CSGALNACT1: variants seen among roughly 807,000 people sequenced by gnomAD.
The protein encoded by CSGALNACT1 is chondroitin sulfate N-acetylgalactosaminyltransferase 1, also known as beta4GalNAcT-1.
CSGALNACT1 carries 52 observed loss-of-function variants against 51.0 expected under a neutral mutation model. The observed-to-expected ratio is 1.02, with a 90% CI of 0.82 to 1.29. The LOEUF (loss-of-function observed/expected upper bound fraction) is 1.29. Ranked by LOEUF, CSGALNACT1 falls within the 50% of genes most tolerant of loss-of-function variation. The pLI, the probability that CSGALNACT1 is intolerant of heterozygous loss-of-function variation, is 0.00. For synonymous variants in CSGALNACT1, 341 were observed against 254.4 expected (o/e 1.34, Z -3.24); for missense variants, 935 against 679.2 (o/e 1.38, Z -4.19).
At chr8:19,451,489 T>G (rs759970321) in intron 5 of CSGALNACT1, among the ~76,000 whole-genome samples, 2 of 152,238 alleles carry the variant, frequency 1.3e-5, no homozygotes, top group Non-Finnish European at 2.9e-5. Context: ...AATAACTTAG[T>G]GCACACACTG....
chr8:19,421,175 A>C (rs983076318), intron 6 of CSGALNACT1, among the ~76,000 whole-genome samples: 2 of 152,254 alleles, frequency 1.3e-5, no homozygotes, highest in Admixed American at 6.5e-5. Context: ...CATCTGCTAA[A>C]TAGGTGTAGT....
intron 1 of CSGALNACT1, among the ~76,000 whole-genome samples, chr8:19,650,897 C>T (rs1260000493): frequency 3.3e-5 from 5 of 152,220 alleles, no homozygotes; most frequent in East Asian, 3.9e-4. Context: ...GAGTTGCTCC[C>T]GTGTCCTTAG....
chr8:19,727,698 G>A (rs2063480657), intron 1 of CSGALNACT1, among the ~76,000 whole-genome samples: 1 of 152,082 alleles, frequency 6.6e-6, no homozygotes, highest in African/African-American at 2.4e-5. Context: ...ATGGTTGATG[G>A]TTGCCCATCA....
chr8:19,410,617 T>G (rs1031644071), intron 8 of CSGALNACT1, among the ~76,000 whole-genome samples: 1 of 152,184 alleles, frequency 6.6e-6, no homozygotes, highest in African/African-American at 2.4e-5. Context: ...CCAGAGACTC[T>G]GGGCTGCACT....
chr8:19,539,986 G>A (rs937580868), intron 3 of CSGALNACT1, among the ~76,000 whole-genome samples: 1 of 152,162 alleles, frequency 6.6e-6, no homozygotes, highest in South Asian at 2.1e-4. Context: ...AAGAAATACT[G>A]AGAGAACTAG....
chr8:19,645,699 C>T (rs1427104064), intron 1 of CSGALNACT1, among the ~76,000 whole-genome samples: 1 of 152,178 alleles, frequency 6.6e-6, no homozygotes, highest in African/African-American at 2.4e-5. Flanking sequence ...TGGGCACTGC[C>T]TGACTTGCAA....
chr8:19,575,969 A>G (rs1185037662), intron 3 of CSGALNACT1, among the ~76,000 whole-genome samples: 1 of 152,092 alleles, frequency 6.6e-6, no homozygotes, highest in African/African-American at 2.4e-5. Flanking sequence ...CTTATGCCCA[A>G]TTCTAAGTTC....
intron 4 of CSGALNACT1, among the ~76,000 whole-genome samples, chr8:19,498,150 G>C (rs962390874): frequency 6.6e-6 from 1 of 152,172 alleles, no homozygotes; most frequent in Non-Finnish European, 1.5e-5. Flanking sequence ...ACCTGTCTCA[G>C]AATTGTGGGT....
chr8:19,520,658 C>T (rs1448789789), intron 3 of CSGALNACT1, among the ~76,000 whole-genome samples: 1 of 152,212 alleles, frequency 6.6e-6, no homozygotes, highest in African/African-American at 2.4e-5. Flanking sequence ...TACAGTTTAA[C>T]ACTGTTGAAC....
chr8:19,745,388 G>C (rs940169830), intron 1 of CSGALNACT1, among the ~76,000 whole-genome samples: 1 of 152,118 alleles, frequency 6.6e-6, no homozygotes, highest in Non-Finnish European at 1.5e-5. Context: ...GGTACATTTG[G>C]TTTTTGATAC....
Position 19,556,325 on chromosome 8 carries a change from G to A in CSGALNACT1, c.-297+34835C>T, listed in dbSNP as rs926443274. 5.3e-5 allele frequency among the ~76,000 whole-genome samples: 8 copies of A among 150,612 alleles called. No homozygotes were observed. In the East Asian group the frequency reaches 1.2e-3, roughly 22 times the overall value. On this transcript the variant is annotated intron_variant, in intron 3 of 9. Coordinates refer to ENST00000454498, the Ensembl canonical transcript of CSGALNACT1. The stretch of plus-strand genomic sequence containing the variant: ...TAGGAGGCAGAGGTTGCAGTGAGCC[G>A]AAATTGCACCATTTGCACTCCAGCC...
chr8:19,503,105 T>G (rs1391010870), intron 4 of CSGALNACT1, among the ~76,000 whole-genome samples: 1 of 152,224 alleles, frequency 6.6e-6, no homozygotes, highest in Non-Finnish European at 1.5e-5. Flanking sequence ...CTTGTGGTAT[T>G]GATAATATTT....
chr8:19,420,684 C>G (rs1232199602), intron 6 of CSGALNACT1, among the ~76,000 whole-genome samples, 166 bp from the exon 6 acceptor site: 2 of 152,198 alleles, frequency 1.3e-5, no homozygotes, highest in Non-Finnish European at 2.9e-5. Context: ...TCACAGGATA[C>G]TCACTGGGAT....
intron 6 of CSGALNACT1, among the ~76,000 whole-genome samples, chr8:19,439,542 C>T (rs2060957490): frequency 6.6e-6 from 1 of 152,184 alleles, no homozygotes; most frequent in African/African-American, 2.4e-5. Flanking sequence ...TGATGACACC[C>T]AGTTATATGG....
intron 1 of CSGALNACT1, among the ~76,000 whole-genome samples, chr8:19,711,751 T>A (rs1361815110): frequency 6.6e-6 from 1 of 152,262 alleles, no homozygotes; most frequent in South Asian, 2.1e-4. Flanking sequence ...CATTCCAGCC[T>A]TCATTGACAT....
Position 19,408,042 on chromosome 8 carries a change from T to A in CSGALNACT1, c.1309+571A>T, listed in dbSNP as rs117418500. Among the ~76,000 whole-genome samples the A allele has an allele frequency of 6.7e-3, 1,023 of 152,218 alleles. 9 individuals are homozygous for A. The highest frequency in any genetic ancestry group is 0.01 in the Middle Eastern group (3 of 294). ...AGAAATGTGGGTCTTTTTGAATATG[T>A]GCTTCCTCCCAGTTCCCCTATTTCC... On this transcript the variant is annotated intron_variant, in intron 9 of 9. Coordinates refer to ENST00000454498, the Ensembl canonical transcript of CSGALNACT1.
rs2065481353 is a variant in CSGALNACT1, at chr8:19,757,660, C to T, written c.-297+190G>A. Among the ~76,000 whole-genome samples, 1 of 152,114 alleles carries T rather than the reference C, an allele frequency of 6.6e-6. No individual in the cohort carries two copies. Among genetic ancestry groups the T allele is most frequent in the Non-Finnish European group, 1.5e-5 (1 of 68,006 alleles). On this transcript the variant is annotated intron_variant, in intron 1 of 1. Transcript: ENST00000517494. This position sits in a 1 kb window ranked among gnomAD's most constrained non-coding sequence, Gnocchi z 4.0. Reference sequence around the variant, plus strand: ...GAGAGGTGTCCAATCTCCATGGGGTCCTTACTCTTGCAGGACAGAGTTCCC... The same window carrying T: ...GAGAGGTGTCCAATCTCCATGGGGTTCTTACTCTTGCAGGACAGAGTTCCC...
At chr8:19,426,394 G>C (rs1484955547) in intron 6 of CSGALNACT1, among the ~76,000 whole-genome samples, 1 of 152,176 alleles carries the variant, frequency 6.6e-6, no homozygotes, top group Non-Finnish European at 1.5e-5. Flanking sequence ...TAACAGAAAA[G>C]AGATGAGAAA....
chr8:19,468,108 C>A (rs1325955077), intron 4 of CSGALNACT1, among the ~76,000 whole-genome samples: 1 of 152,150 alleles, frequency 6.6e-6, no homozygotes, highest in African/African-American at 2.4e-5. Flanking sequence ...AGAGTCTGCC[C>A]ATGGTATAAG....
Sources: gnomAD v4.1 joint callset for allele counts (sites outside exome capture counted in the v4.1 genomes callset) on GRCh38, gnomAD v4.1.1 for gene constraint, Gnocchi (gnomAD v3.1) non-coding constraint, MANE v1.5 for transcripts, NCBI Gene and HGNC (gene_info 2026-07-23, HGNC 2026-07-21) for gene names.